The following NCAN variants were observed in gnomAD, a reference collection of about 807,000 sequenced individuals.
NCAN encodes the protein neurocan core protein.
In NCAN, 47 loss-of-function variants were observed where a neutral mutation model predicts 121.8. That is an observed-to-expected ratio of 0.39 (90% CI 0.31 to 0.49). The LOEUF (loss-of-function observed/expected upper bound fraction) is 0.49. Among genes scored for constraint, NCAN ranks in the 20% least tolerant of loss-of-function variants. The pLI is 0.92. For synonymous variants in NCAN, 633 were observed against 702.0 expected (o/e 0.90, Z 1.55); for missense variants, 1,517 against 1,773.4 (o/e 0.86, Z 2.60).
chr19:19,228,056 A>T lies in NCAN; in HGVS notation c.2436A>T (p.Pro812=). 2 of 1,613,482 alleles carry T rather than the reference A, an allele frequency of 1.2e-6. No individual in the cohort carries two copies. Among genetic ancestry groups the T allele is most frequent in the Non-Finnish European group, 1.7e-6 (2 of 1,180,002 alleles). ...PGVFLVPKVT[P]NLEPWVATDE... ...TCTTCTTGGTACCCAAAGTCACCCCAAATTTGGAGCCTTGGGTTGCTACAG... is the reference window on the plus strand; with the variant it reads ...TCTTCTTGGTACCCAAAGTCACCCCTAATTTGGAGCCTTGGGTTGCTACAG... Residue 812 remains proline, a synonymous_variant, in exon 8 of 15, where the codon CCA becomes CCT. Coordinates refer to ENST00000252575, the MANE Select transcript of NCAN (RefSeq NM_004386.3).
intron 1 of NCAN, among the ~76,000 whole-genome samples, chr19:19,215,179 G>T (rs1443657314): frequency 1.3e-5 from 2 of 152,226 alleles, no homozygotes; most frequent in Non-Finnish European, 2.9e-5. Context: ...GACTCTGGGA[G>T]CTGGGAAGGA....
intron 12 of NCAN, among the ~76,000 whole-genome samples, 181 bp from the exon 13 acceptor site, chr19:19,245,132 G>A (rs547286070): frequency 6.6e-6 from 1 of 152,194 alleles, no homozygotes; most frequent in South Asian, 2.1e-4. Flanking sequence ...GAGGAATGGT[G>A]TATTGGATTA....
chr19:19,224,431 G>T lies in NCAN; in HGVS notation c.776G>T (p.Gly259Val), dbSNP rs760694042. 1.5e-5 allele frequency: 25 copies of T among 1,612,980 alleles called. No individual in the cohort carries two copies. The highest frequency in any genetic ancestry group is 3.3e-5 in the Admixed American group (2 of 59,950). ...GTGTATTGCTTTGCCCGGGAGCTGG[G>T]GGGTAAGTCTGGGACTGGCAGGACC... The part of the protein sequence containing the change: ...YDVYCFAREL[G>V]GEVFYVGPAR... The change falls in exon 5 of 15, where the codon GGG becomes GTG. Residue 259 changes from glycine (G) to valine (V), a missense_variant and splice_region_variant. Transcript: ENST00000252575.
intron 13 of NCAN, among the ~76,000 whole-genome samples, chr19:19,245,886 G>A (rs943115973): frequency 2.6e-5 from 4 of 152,096 alleles, no homozygotes; most frequent in Non-Finnish European, 5.9e-5. Flanking sequence ...GGAGTCACTA[G>A]TGCTTAATGG....
In NCAN at chr19:19,251,051, A is replaced by G. The variant is rs1283451756; in HGVS notation, c.*1140A>G. 1.3e-5 allele frequency: 2 copies of G among 152,116 alleles called. No individual in the cohort carries two copies. Among genetic ancestry groups the G allele is most frequent in the Admixed American group, 6.6e-5 (1 of 15,248 alleles). The allele number at this position is 152,116 out of a possible 1,614,324, so 9.4% of individuals were successfully genotyped here. A position where few individuals can be genotyped will look rare whatever the true frequency, so the allele number is the denominator to read the frequency against. ...GAACTCACCTTGCCTTCCTCCCCCA[A>G]ATGTGCAACCTGTAAAAGGTCTCTC... On this transcript the variant is annotated 3_prime_UTR_variant, in exon 15 of 15. Transcript: ENST00000252575.
rs2060880762 is a variant in NCAN at position 19,236,253 on chromosome 19, T to A, written c.3250+1157T>A. On this transcript the variant is annotated intron_variant, in intron 10 of 14. Coordinates refer to ENST00000252575, the MANE Select transcript of NCAN (RefSeq NM_004386.3). ...GGATTTGCCTGTTCTAGACATTTCA[T>A]ATGAATGGAATCTCAAAATATGTGT... is the stretch of plus-strand genomic sequence containing the variant. Among the ~76,000 whole-genome samples the A allele has an allele frequency of 2.0e-5, 3 of 152,210 alleles. 1 individual carries two copies. The highest frequency in any genetic ancestry group is 2.0e-4 in the Admixed American group (3 of 15,266).
chr19:19,233,159 C>G (rs546111924), intron 8 of NCAN, among the ~76,000 whole-genome samples: 2 of 152,150 alleles, frequency 1.3e-5, no homozygotes, highest in Admixed American at 6.5e-5. Flanking sequence ...GTCTCGAACT[C>G]CTGACCTCAG....
chr19:19,227,611 C>T lies in NCAN; in HGVS notation c.1991C>T (p.Thr664Ile), dbSNP rs768397223. The change falls in exon 8 of 15, where the codon ACC becomes ATC. Residue 664 changes from threonine to isoleucine, a missense_variant. Coordinates refer to ENST00000252575, the MANE Select transcript of NCAN (RefSeq NM_004386.3). The surrounding 1 kb of genome is among the most constrained non-coding windows in gnomAD (Gnocchi z 4.2). ...AGAGTTGAGGCACATGGTGAGGCCA[C>T]CGCCACGGCTCCACCCTCCCCTGCT... ...ANRVEAHGEA[T>I]ATAPPSPAAE... 6.2e-7 allele frequency: 1 copy of T among 1,613,902 alleles called. No individual in the cohort carries two copies. Among genetic ancestry groups the T allele is most frequent in the Non-Finnish European group, 8.5e-7 (1 of 1,180,032 alleles).
At chr19:19,222,003 G>A (rs974030633) in intron 3 of NCAN, among the ~76,000 whole-genome samples, 11 of 152,098 alleles carry the variant, frequency 7.2e-5, no homozygotes, top group African/African-American at 2.2e-4. Flanking sequence ...CAAACATCCC[G>A]TGGACTCCTG....
chr19:19,238,021 C>T (rs568417414), intron 10 of NCAN, among the ~76,000 whole-genome samples: 17 of 151,382 alleles, frequency 1.1e-4, no homozygotes, highest in Admixed American at 2.0e-4. Context: ...CCAGCCTGGG[C>T]GACGGAGTGA....
chr19:19,243,251 C>T (rs1373639838), intron 12 of NCAN, among the ~76,000 whole-genome samples: 1 of 151,772 alleles, frequency 6.6e-6, no homozygotes, highest in Non-Finnish European at 1.5e-5. Flanking sequence ...TGCGGGGTGG[C>T]TCAGGCCTGT....
chr19:19,242,318 G>A (rs913783800), intron 12 of NCAN, among the ~76,000 whole-genome samples: 11 of 152,140 alleles, frequency 7.2e-5, no homozygotes, highest in Non-Finnish European at 1.6e-4. Context: ...GAGCCCAGGA[G>A]GTTGAGGCTC....
Position 19,228,484 on chromosome 19 carries a change from C to T in NCAN, c.2864C>T (p.Pro955Leu). ...GGGGAGCCTACGGTACCGTGGGACC[C>T]CTCCAGCACCCTGCTGCCTGTCACC... ...SSGEPTVPWDPSSTLLPVTLG... is the reference protein window; with the variant it reads ...SSGEPTVPWDLSSTLLPVTLG... Residue 955 changes from proline to leucine, a missense_variant, in exon 8 of 15, where the codon CCC (proline) becomes CTC (leucine). Physicochemically the swap from Pro to Leu is moderately conservative, Grantham distance 98. Transcript: ENST00000252575. 1 of 1,613,560 alleles carries T rather than the reference C, an allele frequency of 6.2e-7. No homozygotes were observed. The highest frequency in any genetic ancestry group is 8.5e-7 in the Non-Finnish European group (1 of 1,180,028).
chr19:19,226,641 T>G lies in NCAN; in HGVS notation c.1228T>G (p.Ser410Ala), dbSNP rs765647800. Reference sequence around the variant, plus strand: ...CCCTGACTTCCAGGAGCCTCTGGTGTCCAGTGGGGAAGAAGAAACCCTGAT... The same window carrying G: ...CCCTGACTTCCAGGAGCCTCTGGTGGCCAGTGGGGAAGAAGAAACCCTGAT... ...VTPDFQEPLV[S>A]SGEEETLILE... Residue 410 changes from serine to alanine, a missense_variant, in exon 7 of 15, where the codon TCC becomes GCC. By Grantham distance (99) the Ser-to-Ala change is moderately conservative. Transcript: ENST00000252575. The G allele has an allele frequency of 6.2e-7, 1 of 1,613,812 alleles. No homozygotes were observed. Among genetic ancestry groups the G allele is most frequent in the Admixed American group, 1.7e-5 (1 of 60,016 alleles).
At chr19:19,224,747 C>G (rs1888685629) in intron 5 of NCAN, among the ~76,000 whole-genome samples, 1 of 151,974 alleles carries the variant, frequency 6.6e-6, no homozygotes, top group Admixed American at 6.6e-5. Context: ...CTCTGAAGCC[C>G]GACTTGCCCA....
intron 8 of NCAN, 122 bp downstream of exon 8, chr19:19,228,761 G>A (rs896146852): frequency 9.0e-7 from 1 of 1,110,642 alleles, no homozygotes; most frequent in Non-Finnish European, 1.3e-6. Flanking sequence ...CTTTCTAGTG[G>A]GGCATGACGC....
rs746337800 is a variant in NCAN at position 19,226,745 on chromosome 19, G to A, written c.1332G>A (p.Gly444=). 1 of 1,613,226 alleles carries A rather than the reference G, an allele frequency of 6.2e-7. No homozygotes were observed. Among genetic ancestry groups the A allele is most frequent in the Non-Finnish European group, 8.5e-7 (1 of 1,179,774 alleles). ...GDPMLASWPT[G]EVWLSTVAPS... ...CCATGCTGGCCTCATGGCCCACTGG[G>A]GAAGTGTGGCTAAGCACGGTGGCCC... Residue 444 remains glycine (G), a synonymous_variant, in exon 7 of 15, where the codon GGG becomes GGA. Transcript: ENST00000252575.
intron 8 of NCAN, among the ~76,000 whole-genome samples, chr19:19,230,908 T>G (rs1050190637): frequency 6.7e-6 from 1 of 150,158 alleles, no homozygotes; most frequent in Non-Finnish European, 1.5e-5. Context: ...TGTGTGTGTG[T>G]GTGTGTGTGT....
Position 19,249,689 on chromosome 19 carries a change from A to G in NCAN, c.3821-77A>G, listed in dbSNP as rs1599827734. ...GCCTCTTTCCTCTACTTTCTCTCCCAAGGACACCCGCTGCATCAGGCCACC... is the reference window on the plus strand; with the variant it reads ...GCCTCTTTCCTCTACTTTCTCTCCCGAGGACACCCGCTGCATCAGGCCACC... On this transcript the variant is annotated intron_variant, in intron 14 of 14. Transcript: ENST00000252575. The G allele has an allele frequency of 2.0e-6, 3 of 1,529,158 alleles. No homozygotes were observed. In the East Asian group the frequency reaches 6.8e-5, roughly 35 times the overall value. 94.7% of individuals were successfully genotyped at this position (1,529,158 alleles called of 1,614,324 possible). A position where few individuals can be genotyped will look rare whatever the true frequency, so the allele number is the denominator to read the frequency against.
Sources: allele counts gnomAD v4.1 joint callset (sites outside exome capture counted in the v4.1 genomes callset), GRCh38; gene constraint gnomAD v4.1.1; non-coding constraint Gnocchi (gnomAD v3.1); transcripts MANE v1.5; gene names NCBI Gene and HGNC (gene_info 2026-07-23, HGNC 2026-07-21).